The following G2E3 variants were observed in gnomAD, a reference collection of about 807,000 sequenced individuals.
G2E3 encodes the protein G2/M phase-specific E3 ubiquitin-protein ligase.
Under a neutral mutation model 92.8 loss-of-function variants are expected in G2E3, and 35 were observed. That is an observed-to-expected ratio of 0.38 (90% CI 0.29 to 0.50). G2E3 has a LOEUF of 0.50. Among genes scored for constraint, G2E3 ranks in the 20% least tolerant of loss-of-function variants. The pLI, the probability that G2E3 is intolerant of heterozygous loss-of-function variation, is 0.94. For synonymous variants in G2E3, 242 were observed against 272.4 expected (o/e 0.89, Z 1.10); for missense variants, 554 against 823.8 (o/e 0.67, Z 4.01).
chr14:30,576,523 A>T (rs142510288), intron 1 of G2E3, among the ~76,000 whole-genome samples: 1 of 152,242 alleles, frequency 6.6e-6, no homozygotes. Context: ...GACAAGTGGG[A>T]TCTAGTTAAA....
chr14:30,569,811 C>T (rs1022050280), intron 1 of G2E3, among the ~76,000 whole-genome samples: 1 of 152,146 alleles, frequency 6.6e-6, no homozygotes, highest in African/African-American at 2.4e-5. Context: ...AACCAAATGG[C>T]AGAATCAGCA....
chr14:30,583,095 G>T (rs1366242162), intron 2 of G2E3, among the ~76,000 whole-genome samples: 1 of 152,190 alleles, frequency 6.6e-6, no homozygotes, highest in African/African-American at 2.4e-5. Context: ...AGATGGAGCA[G>T]TTAGGGAGTT....
chr14:30,567,649 A>C (rs1879519922), intron 1 of G2E3, among the ~76,000 whole-genome samples: 1 of 147,706 alleles, frequency 6.8e-6, no homozygotes, highest in Non-Finnish European at 1.5e-5. Flanking sequence ...CATTATCTGG[A>C]CTCTAAATTA....
chr14:30,591,485 C>T (rs1881008192), intron 4 of G2E3, among the ~76,000 whole-genome samples: 1 of 152,072 alleles, frequency 6.6e-6, no homozygotes, highest in Non-Finnish European at 1.5e-5. Context: ...ATTCTGGAGG[C>T]CAGAATTGTA....
At chr14:30,566,423 A>C (rs1879442414) in intron 1 of G2E3, among the ~76,000 whole-genome samples, 1 of 152,166 alleles carries the variant, frequency 6.6e-6, no homozygotes, top group Admixed American at 6.5e-5. Context: ...TTCTTTCAGC[A>C]CTGTTTTGTA....
chr14:30,614,031 A>G (rs974481133), intron 13 of G2E3, among the ~76,000 whole-genome samples: 1 of 152,098 alleles, frequency 6.6e-6, no homozygotes, highest in African/African-American at 2.4e-5. Context: ...TTTTATTAAC[A>G]TTTCATTTTA....
At chr14:30,592,289 A>G (rs976294791) in intron 4 of G2E3, 34 bp from the exon 5 acceptor site, 10 of 1,593,180 alleles carry the variant, frequency 6.3e-6, no homozygotes, top group Middle Eastern at 1.7e-4. Flanking sequence ...CAGATTTTTT[A>G]TGTTGTGACC....
chr14:30,603,704 G>A (rs1881689708), intron 10 of G2E3, among the ~76,000 whole-genome samples: 2 of 152,110 alleles, frequency 1.3e-5, no homozygotes, highest in South Asian at 2.1e-4. Context: ...AAATAGCCAG[G>A]TATGGTGGTG....
chr14:30,593,852 A>G (rs117024700), intron 6 of G2E3, among the ~76,000 whole-genome samples: 2,962 of 152,214 alleles, frequency 0.019, 54 homozygotes, highest in Middle Eastern at 0.034. Context: ...CTTCAGATGA[A>G]ACTTTTTAAT....
chr14:30,579,351 G>A (rs894978517), intron 1 of G2E3, among the ~76,000 whole-genome samples: 1 of 152,068 alleles, frequency 6.6e-6, no homozygotes, highest in African/African-American at 2.4e-5. Context: ...ATATTATTTT[G>A]TAAGGAATAA....
chr14:30,600,771 A>C (rs1344385495), intron 8 of G2E3, among the ~76,000 whole-genome samples: 1 of 152,204 alleles, frequency 6.6e-6, no homozygotes, highest in Non-Finnish European at 1.5e-5. Context: ...GTCTGAAGCT[A>C]GATAAACTGA....
intron 3 of G2E3, among the ~76,000 whole-genome samples, chr14:30,588,543 A>G (rs1594485976): frequency 6.6e-6 from 1 of 152,166 alleles, no homozygotes. Flanking sequence ...CTTTAAAAAA[A>G]AAGTACTGAC....
chr14:30,588,437 A>G (rs956497883), intron 3 of G2E3, among the ~76,000 whole-genome samples: 17 of 152,130 alleles, frequency 1.1e-4, no homozygotes, highest in Admixed American at 5.2e-4. Flanking sequence ...TCTAATCACA[A>G]ATTTGCTCTA....
At chr14:30,583,762 G>C (rs552633766) in intron 2 of G2E3, among the ~76,000 whole-genome samples, 1 of 152,168 alleles carries the variant, frequency 6.6e-6, no homozygotes, top group African/African-American at 2.4e-5. Flanking sequence ...GCTAAACATT[G>C]TAAGTATATA....
In G2E3 at chr14:30,602,083, C is replaced by T. The variant is rs148801046; in HGVS notation, c.962C>T (p.Pro321Leu). Residue 321 changes from proline (P) to leucine (L), a missense_variant, in exon 10 of 15, where the codon CCT becomes CTT. Physicochemically the swap from Pro to Leu is moderately conservative, Grantham distance 98. Coordinates refer to ENST00000206595, the MANE Select transcript of G2E3 (RefSeq NM_017769.5). ...ITDCLLEESS[P>L]KLPRQSPGSQ... ...GATTGTTTGTTGGAAGAGTCATCACCTAAATTACCCAGACAGTCACCTGGA... is the reference window on the plus strand; with the variant it reads ...GATTGTTTGTTGGAAGAGTCATCACTTAAATTACCCAGACAGTCACCTGGA... 1.2e-6 allele frequency: 2 copies of T among 1,610,912 alleles called. No individual in the cohort carries two copies. Among genetic ancestry groups the T allele is most frequent in the Admixed American group, 1.7e-5 (1 of 59,962 alleles).
chr14:30,601,985 A>T lies in G2E3; in HGVS notation c.878-14A>T. The T allele has an allele frequency of 6.2e-7, 1 of 1,608,280 alleles. No individual in the cohort carries two copies. The highest frequency in any genetic ancestry group is 2.2e-5 in the East Asian group (1 of 44,804). Reference sequence around the variant, plus strand: ...ATATCTCTATTATGCTAACATGGAAATTTAAATCTGTAGGAGAGTTCCAAA... The same window carrying T: ...ATATCTCTATTATGCTAACATGGAATTTTAAATCTGTAGGAGAGTTCCAAA... On this transcript the variant is annotated splice_polypyrimidine_tract_variant and intron_variant, in intron 9 of 14. Transcript: ENST00000206595.
At chr14:30,616,149 C>A in intron 14 of G2E3, 129 bp from the exon 15 acceptor site, 1 of 656,724 alleles carries the variant, frequency 1.5e-6, no homozygotes, top group Admixed American at 2.9e-5. Context: ...TTAGTTTGCC[C>A]AAAACAAATG....
At chr14:30,613,052 G>A (rs945850658) in intron 13 of G2E3, among the ~76,000 whole-genome samples, 1 of 151,900 alleles carries the variant, frequency 6.6e-6, no homozygotes, top group South Asian at 2.1e-4. Context: ...TATATTGACC[G>A]TTCTTTGATT....
chr14:30,598,746 T>C, intron 8 of G2E3, 147 bp downstream of exon 8: 1 of 666,492 alleles, frequency 1.5e-6, no homozygotes, highest in Non-Finnish European at 2.7e-6. Flanking sequence ...AATGCACATT[T>C]ACGTCTGTTT....
Sources: allele counts gnomAD v4.1 joint callset (sites outside exome capture counted in the v4.1 genomes callset), GRCh38; gene constraint gnomAD v4.1.1; transcripts MANE v1.5; gene names NCBI Gene and HGNC (gene_info 2026-07-23, HGNC 2026-07-21).